KIR2DL1: variants seen among roughly 807,000 people sequenced by gnomAD.
KIR2DL1 encodes the protein killer cell immunoglobulin-like receptor 2DL1.
In KIR2DL1, 38 loss-of-function variants were observed where a neutral mutation model predicts 33.9. The observed-to-expected ratio is 1.12, with a 90% CI of 0.86 to 1.47. The LOEUF (loss-of-function observed/expected upper bound fraction) is 1.47, where lower values mean the gene tolerates loss of function less well. Among genes scored for constraint, KIR2DL1 ranks in the 40% most tolerant of loss-of-function variants. The probability of loss-of-function intolerance (pLI) is 0.00; values close to 1 mark genes in which losing one functional copy is unlikely to be tolerated. For missense variants in KIR2DL1, 531 were observed against 433.9 expected (o/e 1.22, Z -1.99); for synonymous variants, 179 against 165.9 (o/e 1.08, Z -0.61).
At chr19:54,773,182 AC>A (rs1243648484) in intron 2 of KIR2DL1, 150 bp from the exon 3 acceptor site, 2 of 979,020 alleles carry the variant, frequency 2.0e-6, no homozygotes, top group Admixed American at 4.9e-5. Context: ...AAGGACCTGC[AC>A]CAGGAGTTAT....
At chr19:54,778,477 G>GA in intron 4 of KIR2DL1, 135 bp from the exon 5 acceptor site, 3 of 922,122 alleles carry the variant, frequency 3.3e-6, no homozygotes, top group Non-Finnish European at 3.2e-6. Context: ...AAAAATTATG[G>GA]AAAAAAGGAT....
intron 5 of KIR2DL1, among the ~76,000 whole-genome samples, chr19:54,782,323 C>T (rs2077066905): frequency 6.6e-6 from 1 of 151,966 alleles, no homozygotes; most frequent in African/African-American, 2.4e-5. Flanking sequence ...AACACTTGAG[C>T]CTCGGTAACT....
intron 2 of KIR2DL1, among the ~76,000 whole-genome samples, chr19:54,773,051 G>T (rs2075935686): frequency 6.7e-6 from 1 of 148,440 alleles, no homozygotes; most frequent in African/African-American, 2.5e-5. Context: ...CACATAGACA[G>T]CAGGAAAGAC....
At chr19:54,773,147 AGAG>A (rs2075948238) in intron 2 of KIR2DL1, among the ~76,000 whole-genome samples, 183 bp from the exon 3 acceptor site, 3 of 148,502 alleles carry the variant, frequency 2.0e-5, no homozygotes, top group Admixed American at 6.8e-5. Flanking sequence ...ACAGAGGGAC[AGAG>A]AAGAGTGAGG....
rs557011669 is a variant in KIR2DL1 at position 54,783,509 on chromosome 19, T to G, written c.841T>G (p.Ser281Ala). 6.2e-7 allele frequency: 1 copy of G among 1,612,762 alleles called. No individual in the cohort carries two copies. Among genetic ancestry groups the G allele is most frequent in the Non-Finnish European group, 8.5e-7 (1 of 1,179,534 alleles). The part of the protein sequence containing the change: ...KKNAAVMDQE[S>A]AGNRTANSED... ...AGATGCTGCGGTAATGGACCAAGAG[T>G]CTGCAGGAAACAGAACAGCGAATAG... The change falls in exon 7 of 8, where the codon TCT becomes GCT. Residue 281 changes from serine to alanine, a missense_variant. Transcript: ENST00000336077.
chr19:54,774,907 C>A (rs1196396617), intron 3 of KIR2DL1, among the ~76,000 whole-genome samples: 2 of 148,356 alleles, frequency 1.3e-5, no homozygotes, highest in Non-Finnish European at 1.5e-5. Context: ...ATCAAGTCAA[C>A]CAATCCAAGG....
At chr19:54,782,139 GA>G in intron 5 of KIR2DL1, among the ~76,000 whole-genome samples, 1 of 152,104 alleles carries the variant, frequency 6.6e-6, no homozygotes. Context: ...GTAGCTGCGG[GA>G]AGCCAGAAAG....
At chr19:54,779,741 C>G (rs1463681208) in intron 5 of KIR2DL1, among the ~76,000 whole-genome samples, 1 of 149,424 alleles carries the variant, frequency 6.7e-6, no homozygotes, top group Admixed American at 6.8e-5. Flanking sequence ...ACAGCATTCT[C>G]CTGCCTTCCA....
At chr19:54,778,976 C>G (rs2076665552) in intron 5 of KIR2DL1, among the ~76,000 whole-genome samples, 1 of 146,542 alleles carries the variant, frequency 6.8e-6, no homozygotes, top group African/African-American at 2.5e-5. Context: ...TTCCTGGAGA[C>G]TTGAGAGAGG....
At position 54,782,976 on chromosome 19, in the gene KIR2DL1, TC is replaced by T; in HGVS notation, c.771del (p.Phe257LeufsTer20). 6.2e-7 allele frequency: 1 copy of T among 1,612,266 alleles called. No individual in the cohort carries two copies. Among genetic ancestry groups the T allele is most frequent in the Non-Finnish European group, 8.5e-7 (1 of 1,179,432 alleles). ...GGGACCTCAGTGGTCATCATCCTCT[TC>T]ATCCTCCTCTTCTTTCTCCTTCATC... Reference protein sequence around the residue: ...LIGTSVVIILFILLFFLLHRW... With the variant: ...LIGTSVVIILXILLFFLLHRW... On this transcript the variant is annotated frameshift_variant, in exon 6 of 8. Transcript: ENST00000336077. LOFTEE classifies it high-confidence loss of function.
chr19:54,783,990 C>T lies in KIR2DL1; in HGVS notation c.*177C>T. On this transcript the variant is annotated 3_prime_UTR_variant, in exon 8 of 8. Transcript: ENST00000336077. The stretch of plus-strand genomic sequence containing the variant: ...GTGCCTCTCTCTTGCTTACAAATGT[C>T]TAAGGTCCCCACTGCCTGCTGGAGA... 2.0e-6 allele frequency: 2 copies of T among 1,015,488 alleles called. No homozygotes were observed. Among genetic ancestry groups the T allele is most frequent in the Non-Finnish European group, 3.0e-6 (2 of 665,262 alleles). 62.9% of individuals were successfully genotyped at this position (1,015,488 alleles called of 1,614,324 possible). A position where few individuals can be genotyped will look rare whatever the true frequency, so the allele number is the denominator to read the frequency against.
chr19:54,771,829 T>C (rs1447699338), intron 2 of KIR2DL1, among the ~76,000 whole-genome samples: 1 of 147,446 alleles, frequency 6.8e-6, no homozygotes, highest in African/African-American at 2.5e-5. Context: ...CATGTCGGGG[T>C]TCACAACCAC....
chr19:54,774,295 A>G (rs2147472583), intron 3 of KIR2DL1, among the ~76,000 whole-genome samples: 1 of 148,334 alleles, frequency 6.7e-6, no homozygotes, highest in Non-Finnish European at 1.5e-5. Flanking sequence ...AGAATGAGCC[A>G]GAGGAAGGAG....
rs1344379901 is a variant in KIR2DL1 at position 54,778,483 on chromosome 19, A to G, written c.665-129A>G. 4.2e-5 allele frequency: 39 copies of G among 936,008 alleles called. 2 individuals are homozygous for G. The highest frequency in any genetic ancestry group is 3.7e-4 in the Admixed American group (16 of 43,072). The allele number at this position is 936,008 out of a possible 1,614,324, so 58.0% of individuals were successfully genotyped here. On this transcript the variant is annotated intron_variant, in intron 4 of 7. Transcript: ENST00000336077. ...GTCATATAAAAAAATTATGGAAAAA[A>G]GGATCCCAGGACTCCCAGGGCTCAA...
chr19:54,779,592 G>A (rs1189391012), intron 5 of KIR2DL1, among the ~76,000 whole-genome samples: 2 of 146,256 alleles, frequency 1.4e-5, no homozygotes, highest in African/African-American at 2.5e-5. Flanking sequence ...TAATCTCCTG[G>A]AAATCATCCA....
At chr19:54,779,060 G>A (rs1173191772) in intron 5 of KIR2DL1, among the ~76,000 whole-genome samples, 7 of 147,428 alleles carry the variant, frequency 4.7e-5, no homozygotes, top group African/African-American at 1.7e-4. Flanking sequence ...AGCTCCTGTA[G>A]GTCATGAAGC....
intron 4 of KIR2DL1, 52 bp from the exon 5 acceptor site, chr19:54,778,560 G>A (rs1428802387): frequency 4.8e-6 from 7 of 1,458,010 alleles, no homozygotes; most frequent in Admixed American, 3.5e-5. Flanking sequence ...TTTCCACTGA[G>A]TGGAGGACAG....
At chr19:54,782,815 C>T in intron 5 of KIR2DL1, 107 bp from the exon 6 acceptor site, 1 of 1,236,624 alleles carries the variant, frequency 8.1e-7, no homozygotes, top group South Asian at 1.2e-5. Context: ...GGGTGCTTGT[C>T]CTAAAGAGGT....
At chr19:54,774,012 A>G (rs1341585182) in intron 3 of KIR2DL1, among the ~76,000 whole-genome samples, 13 of 148,858 alleles carry the variant, frequency 8.7e-5, no homozygotes, top group African/African-American at 2.9e-4. Flanking sequence ...AAGGACACCC[A>G]TATTTCTGAC....
Sources: gnomAD v4.1 joint callset for allele counts (sites outside exome capture counted in the v4.1 genomes callset) on GRCh38, gnomAD v4.1.1 for gene constraint, MANE v1.5 for transcripts, NCBI Gene and HGNC (gene_info 2026-07-23, HGNC 2026-07-21) for gene names.